The following ANKRD30B variants were observed in gnomAD, a reference collection of about 807,000 sequenced individuals.
ANKRD30B encodes ankyrin repeat domain-containing protein 30B.
In ANKRD30B, 144 loss-of-function variants were observed where a neutral mutation model predicts 202.2. The ratio of observed to expected loss-of-function variants is 0.71; its 90% CI spans 0.62 to 0.82. The LOEUF is 0.82. Among genes scored for constraint, ANKRD30B ranks in the 40% least tolerant of loss-of-function variants. ANKRD30B has a pLI of 0.00. For missense variants in ANKRD30B, 1,487 were observed against 1,669.1 expected (o/e 0.89, Z 1.90); for synonymous variants, 508 against 561.3 (o/e 0.91, Z 1.34).
chr18:14,819,441 C>T (rs1176965753), intron 30 of ANKRD30B, among the ~76,000 whole-genome samples: 2,340 of 149,654 alleles, frequency 0.016, 55 homozygotes, highest in African/African-American at 0.055. Flanking sequence ...CTTGCCCATG[C>T]CTATGTCCTG....
chr18:14,769,016 C>A (rs1438913915), intron 7 of ANKRD30B, among the ~76,000 whole-genome samples: 1 of 152,168 alleles, frequency 6.6e-6, no homozygotes, highest in Non-Finnish European at 1.5e-5. Flanking sequence ...AATAATTTTA[C>A]TATAGTCTCA....
Position 14,831,181 on chromosome 18 carries a change from G to GAAAAAAAAAAAAAAAAAA in ANKRD30B, c.2775-200_2775-183dup, listed in dbSNP as rs71305894. Among the ~76,000 whole-genome samples the GAAAAAAAAAAAAAAAAAA allele has an allele frequency of 1.3e-3, 68 of 52,302 alleles. 3 individuals are homozygous for GAAAAAAAAAAAAAAAAAA. The highest frequency in any genetic ancestry group is 1.8e-3 in the Admixed American group (6 of 3,386). 34.3% of individuals were successfully genotyped at this position (52,302 alleles called of 152,430 possible). A position where few individuals can be genotyped will look rare whatever the true frequency, so the allele number is the denominator to read the frequency against. On this transcript the variant is annotated intron_variant, in intron 33 of 43. Transcript: ENST00000690538. ...GGCGACAGAGCGAGACTCCGTCTCG[G>GAAAAAAAAAAAAAAAAAA]AAAAAAAAAAAAAAAAAAACGAAAA...
At chr18:14,798,922 G>T (rs1480280139) in intron 20 of ANKRD30B, among the ~76,000 whole-genome samples, 179 bp from the exon 21 acceptor site, 1 of 152,012 alleles carries the variant, frequency 6.6e-6, no homozygotes, top group Admixed American at 6.6e-5. Flanking sequence ...AGTTTCAGGG[G>T]GTCTCCCTAC....
chr18:14,808,805 A>G (rs45566637), intron 26 of ANKRD30B, 61 bp downstream of exon 26: 23 of 1,386,686 alleles, frequency 1.7e-5, no homozygotes, highest in Admixed American at 7.4e-5. Context: ...TTGAAATGCC[A>G]AGAGCCTTTT....
chr18:14,772,201 T>C lies in ANKRD30B; in HGVS notation c.1302T>C (p.Val434=). 1.3e-5 allele frequency: 20 copies of C among 1,509,826 alleles called. No individual in the cohort carries two copies. The highest frequency in any genetic ancestry group is 1.7e-5 in the Non-Finnish European group (19 of 1,122,996). 93.5% of individuals were successfully genotyped at this position (1,509,826 alleles called of 1,614,324 possible). A position where few individuals can be genotyped will look rare whatever the true frequency, so the allele number is the denominator to read the frequency against. ...TTGAAAATTCACAGTGTACAAAAGT[T>C]GAGGAAGACTTTAATCTTGCTACCA... ...RTIENSQCTK[V]EEDFNLATKI... Residue 434 remains valine, a synonymous_variant, in exon 9 of 44, where the codon GTT becomes GTC. Coordinates refer to ENST00000690538, the MANE Select transcript of ANKRD30B (RefSeq NM_001367607.2).
At chr18:14,796,659 G>T (rs1968918424) in intron 18 of ANKRD30B, among the ~76,000 whole-genome samples, 1 of 152,072 alleles carries the variant, frequency 6.6e-6, no homozygotes, top group African/African-American at 2.4e-5. Context: ...CAATACAATG[G>T]GGCCTTGTCT....
rs757736919 is a variant in ANKRD30B at position 14,796,250 on chromosome 18, G to A, written c.1854+1G>A. On this transcript the variant is annotated splice_donor_variant, in intron 17 of 43. Transcript: ENST00000690538. LOFTEE classifies it high-confidence loss of function. The stretch of plus-strand genomic sequence containing the variant: ...TCCTGTTAAAGATGGTCTTCTGAAG[G>A]TAATAACTTTTATATTGCTATCTTG... 6.2e-7 allele frequency: 1 copy of A among 1,604,892 alleles called. No homozygotes were observed. Among genetic ancestry groups the A allele is most frequent in the Non-Finnish European group, 8.5e-7 (1 of 1,172,166 alleles).
intron 33 of ANKRD30B, among the ~76,000 whole-genome samples, chr18:14,829,753 T>C (rs1382018559): frequency 1.3e-5 from 2 of 152,174 alleles, no homozygotes; most frequent in Non-Finnish European, 2.9e-5. Context: ...TATTGAAAGA[T>C]TTAGAAAAAA....
At chr18:14,871,466 C>T in the ANKRD30B span, among the ~76,000 whole-genome samples, 4 of 151,226 alleles carry the variant, frequency 2.6e-5, no homozygotes, top group Non-Finnish European at 4.4e-5. Flanking sequence ...ACAAAGAATG[C>T]ACCAGAGGGG....
chr18:14,853,297 A>G (rs1248352261), intron 42 of ANKRD30B, among the ~76,000 whole-genome samples: 5 of 152,166 alleles, frequency 3.3e-5, no homozygotes, highest in African/African-American at 1.2e-4. Context: ...CATGTATAGT[A>G]CAAAAGAAGT....
chr18:14,761,143 G>A (rs1447096440), intron 6 of ANKRD30B, among the ~76,000 whole-genome samples: 1 of 152,130 alleles, frequency 6.6e-6, no homozygotes, highest in Admixed American at 6.5e-5. Context: ...ATCTAATAAT[G>A]GAGAGTAGGA....
chr18:14,879,294 G>A, the ANKRD30B span, among the ~76,000 whole-genome samples: 1 of 151,218 alleles, frequency 6.6e-6, no homozygotes, highest in African/African-American at 2.4e-5. Context: ...CCCAGCCAAG[G>A]CGAGGCGGCC....
intron 10 of ANKRD30B, 89 bp from the exon 11 acceptor site, chr18:14,779,871 G>C (rs575314147): frequency 1.5e-4 from 117 of 782,108 alleles, no homozygotes; most frequent in Non-Finnish European, 2.2e-4. Flanking sequence ...AAAGTCCACA[G>C]ATTCATGAAT....
chr18:14,907,630 G>T, the ANKRD30B span, among the ~76,000 whole-genome samples: 1 of 152,208 alleles, frequency 6.6e-6, no homozygotes, highest in Non-Finnish European at 1.5e-5. Flanking sequence ...CAGCCCTTAT[G>T]TGGGTCTTGG....
At chr18:14,861,347 A>T in the ANKRD30B span, among the ~76,000 whole-genome samples, 1 of 152,228 alleles carries the variant, frequency 6.6e-6, no homozygotes, top group Non-Finnish European at 1.5e-5. Context: ...GATAAAAAAA[A>T]GAAGACACTT....
At chr18:14,786,555 T>G (rs1052920208) in intron 14 of ANKRD30B, among the ~76,000 whole-genome samples, 18 of 152,326 alleles carry the variant, frequency 1.2e-4, no homozygotes, top group African/African-American at 4.3e-4. Flanking sequence ...GTTGGACATA[T>G]AGTTGACTAA....
At chr18:14,779,461 T>C (rs1355212061) in intron 10 of ANKRD30B, among the ~76,000 whole-genome samples, 2 of 152,236 alleles carry the variant, frequency 1.3e-5, no homozygotes, top group Admixed American at 6.5e-5. Flanking sequence ...TCATGGCATA[T>C]TGAAATTTCA....
the ANKRD30B span, among the ~76,000 whole-genome samples, chr18:14,902,409 G>A: frequency 1.3e-5 from 2 of 152,044 alleles, no homozygotes; most frequent in African/African-American, 2.4e-5. Flanking sequence ...TTGTTGGCCC[G>A]GCTTCCAATC....
At chr18:14,931,072 C>T in the ANKRD30B span, among the ~76,000 whole-genome samples, 2 of 152,160 alleles carry the variant, frequency 1.3e-5, no homozygotes, top group Non-Finnish European at 2.9e-5. Context: ...GATTGTGCTG[C>T]GAGGTGGCAT....
Sources: gnomAD v4.1 joint callset for allele counts (sites outside exome capture counted in the v4.1 genomes callset) on GRCh38, gnomAD v4.1.1 for gene constraint, MANE v1.5 for transcripts, NCBI Gene and HGNC (gene_info 2026-07-23, HGNC 2026-07-21) for gene names.